FRMD4A: variants seen among roughly 807,000 people sequenced by gnomAD.
The protein encoded by FRMD4A is FERM domain-containing protein 4A.
Under a neutral mutation model 129.1 loss-of-function variants are expected in FRMD4A, and 29 were observed. The observed-to-expected ratio is 0.22, with a 90% CI of 0.17 to 0.31. FRMD4A has a LOEUF of 0.31. FRMD4A is among the 10% of genes least tolerant of loss of function. FRMD4A has a pLI of 1.00. For synonymous variants in FRMD4A, 634 were observed against 571.6 expected, an observed-to-expected ratio of 1.11 and a Z score of -1.56; for missense variants, 1,272 against 1,375.8, an observed-to-expected ratio of 0.92 and a Z score of 1.19.
intron 2 of FRMD4A, among the ~76,000 whole-genome samples, chr10:14,050,021 G>A (rs537439762): frequency 2.6e-4 from 40 of 152,350 alleles, no homozygotes; most frequent in Middle Eastern, 3.4e-3. Context: ...AGCTGCCTTT[G>A]ACTGTAGGCT....
chr10:13,873,001 C>T (rs746452573), intron 2 of FRMD4A, among the ~76,000 whole-genome samples: 7 of 151,960 alleles, frequency 4.6e-5, no homozygotes, highest in East Asian at 3.9e-4. Context: ...CACGGTGAAA[C>T]GTCATCTCTA....
At chr10:14,080,304 T>C (rs1430845103) in intron 2 of FRMD4A, among the ~76,000 whole-genome samples, 1 of 152,178 alleles carries the variant, frequency 6.6e-6, no homozygotes, top group Non-Finnish European at 1.5e-5. Context: ...TTTTGTGTTA[T>C]GTGCCACCTG....
intron 2 of FRMD4A, among the ~76,000 whole-genome samples, chr10:14,275,547 C>T (rs1445026740): frequency 6.6e-6 from 1 of 152,184 alleles, no homozygotes; most frequent in Non-Finnish European, 1.5e-5. Flanking sequence ...AGAAAAACAT[C>T]CAAGGGCAGA....
At chr10:14,083,310 T>C (rs572687934) in intron 2 of FRMD4A, 2 of 152,352 alleles carry the variant, frequency 1.3e-5, no homozygotes, top group South Asian at 4.1e-4. Context: ...ATTGAAAACA[T>C]CAAACCAAAC....
intron 12 of FRMD4A, among the ~76,000 whole-genome samples, chr10:13,715,034 G>A (rs903267921): frequency 2.9e-5 from 4 of 138,864 alleles, no homozygotes; most frequent in African/African-American, 7.8e-5. Context: ...GGAAGACTCC[G>A]TCTCAAAAAT....
chr10:14,193,612 T>A (rs889597972), intron 2 of FRMD4A, among the ~76,000 whole-genome samples: 1 of 151,694 alleles, frequency 6.6e-6, no homozygotes, highest in Admixed American at 6.6e-5. Flanking sequence ...ACCAGAAATA[T>A]TCATAAGCAA....
chr10:13,659,373 C>G lies in FRMD4A; in HGVS notation c.2016G>C (p.Pro672=), dbSNP rs531553216. 2.5e-6 allele frequency: 4 copies of G among 1,614,156 alleles called. No individual in the cohort carries two copies. Among genetic ancestry groups the G allele is most frequent in the Non-Finnish European group, 3.4e-6 (4 of 1,179,988 alleles). The change falls in exon 21 of 25, where the codon CCG becomes CCC. Residue 672 remains proline (P), a synonymous_variant. Transcript: ENST00000357447. The part of the protein sequence containing the change: ...LPHWNSQSSM[P]STPDLRVRSP... ...TCCGGACCCGCAGGTCTGGCGTGGA[C>G]GGCATGCTGGACTGGGAGTTCCAGT...
At chr10:14,241,821 G>A (rs1365685742) in intron 2 of FRMD4A, among the ~76,000 whole-genome samples, 2 of 151,058 alleles carry the variant, frequency 1.3e-5, no homozygotes, top group East Asian at 3.9e-4. Flanking sequence ...TTGTCCATCT[G>A]CCCTACAGGA....
intron 3 of FRMD4A, among the ~76,000 whole-genome samples, chr10:13,849,526 G>C (rs2094111510): frequency 6.7e-6 from 1 of 150,328 alleles, no homozygotes; most frequent in East Asian, 2.0e-4. Flanking sequence ...TGTTGCCCAG[G>C]CTAGAGTGCA....
At position 14,277,544 on chromosome 10, in the gene FRMD4A, T is replaced by C. The variant is rs1418852073; in HGVS notation, c.45+52514A>G. ...TCTTGGACTTCCCAGCCTCGAGAAC[T>C]GTGAGCCATAGTTGCTTGTTGTTAA... On this transcript the variant is annotated intron_variant, in intron 2 of 24. Coordinates refer to ENST00000357447, the MANE Select transcript of FRMD4A (RefSeq NM_018027.5). Among the ~76,000 whole-genome samples, 4 of 152,210 alleles carry C rather than the reference T, an allele frequency of 2.6e-5. No individual in the cohort carries two copies. The East Asian group carries it at 7.7e-4, about 29-fold the overall frequency.
intron 2 of FRMD4A, among the ~76,000 whole-genome samples, chr10:13,873,815 G>A (rs375853519): frequency 6.6e-6 from 1 of 151,860 alleles, no homozygotes; most frequent in East Asian, 1.9e-4. Context: ...CCAAAGTGCT[G>A]AGATTACAGG....
intron 2 of FRMD4A, among the ~76,000 whole-genome samples, chr10:14,065,638 CA>C (rs1419254520): frequency 6.6e-6 from 1 of 152,174 alleles, no homozygotes; most frequent in Non-Finnish European, 1.5e-5. Flanking sequence ...CTCAAGCCCC[CA>C]AAACTAAAAT....
intron 15 of FRMD4A, chr10:13,693,656 C>A: frequency 1.6e-6 from 1 of 637,600 alleles, no homozygotes. Flanking sequence ...GACCAGCAGG[C>A]CTTCTTGCAC....
intron 2 of FRMD4A, among the ~76,000 whole-genome samples, chr10:14,260,686 A>G (rs1400290621): frequency 6.6e-6 from 1 of 152,242 alleles, no homozygotes; most frequent in Non-Finnish European, 1.5e-5. Flanking sequence ...AGACGAAAAT[A>G]TTCACAACCA....
At chr10:14,051,001 C>T (rs1002635352) in intron 2 of FRMD4A, among the ~76,000 whole-genome samples, 3 of 152,200 alleles carry the variant, frequency 2.0e-5, no homozygotes, top group Non-Finnish European at 4.4e-5. Context: ...ACAGGAGGCC[C>T]AGGCTTGCCA....
chr10:14,238,638 A>G (rs1564409028), intron 2 of FRMD4A, among the ~76,000 whole-genome samples: 2 of 152,186 alleles, frequency 1.3e-5, no homozygotes, highest in Non-Finnish European at 2.9e-5. Context: ...CTAGGTTTTA[A>G]GCCCCAAGTG....
intron 2 of FRMD4A, among the ~76,000 whole-genome samples, chr10:14,110,900 T>C (rs1837865512): frequency 6.6e-6 from 1 of 152,212 alleles, no homozygotes; most frequent in Non-Finnish European, 1.5e-5. Flanking sequence ...GGTGCAGTCA[T>C]AGGTCACTGC....
chr10:14,201,744 T>C (rs145590127), intron 2 of FRMD4A, among the ~76,000 whole-genome samples: 3 of 152,324 alleles, frequency 2.0e-5, no homozygotes, highest in East Asian at 1.9e-4. Flanking sequence ...GCTGTGGTCC[T>C]ATCTGGACAC....
At chr10:14,016,622 A>G (rs2095700000) in intron 2 of FRMD4A, among the ~76,000 whole-genome samples, 1 of 152,220 alleles carries the variant, frequency 6.6e-6, no homozygotes, top group African/African-American at 2.4e-5. Context: ...AGTAGATTTC[A>G]TTTGAGTAAC....
Sources: allele counts gnomAD v4.1 joint callset (sites outside exome capture counted in the v4.1 genomes callset), GRCh38; gene constraint gnomAD v4.1.1; transcripts MANE v1.5; gene names NCBI Gene and HGNC (gene_info 2026-07-23, HGNC 2026-07-21).